Variants in FNDC3B observed in about 807,000 individuals in gnomAD.
The protein encoded by FNDC3B is fibronectin type III domain-containing protein 3B.
A neutral mutation model predicts 151.5 loss-of-function variants in FNDC3B; 12 were observed. That is an observed-to-expected ratio of 0.08 (90% CI 0.05 to 0.13). FNDC3B has a LOEUF of 0.13. Among genes scored for constraint, FNDC3B ranks in the 10% least tolerant of loss-of-function variants. The pLI is 1.00. For synonymous variants in FNDC3B, 528 were observed against 549.0 expected (o/e 0.96, Z 0.54); for missense variants, 1,214 against 1,505.3 (o/e 0.81, Z 3.20).
rs1278127344 is a variant in FNDC3B at position 172,399,502 on chromosome 3, T to C, written c.*2027T>C. 6.6e-6 allele frequency: 1 copy of C among 152,662 alleles called. No homozygotes were observed. Among genetic ancestry groups the C allele is most frequent in the African/African-American group, 2.4e-5 (1 of 41,470 alleles). The allele number at this position is 152,662 out of a possible 1,614,324, so 9.5% of individuals were successfully genotyped here. ...CAATGAATTATTCTGTGTGCCTATA[T>C]TGACGTAGTGAGTACTAGAGAGTTC... On this transcript the variant is annotated 3_prime_UTR_variant, in exon 26 of 26. Coordinates refer to ENST00000415807, the MANE Select transcript of FNDC3B (RefSeq NM_022763.4).
At chr3:172,094,397 C>T (rs1050824606) in intron 1 of FNDC3B, among the ~76,000 whole-genome samples, 1 of 152,162 alleles carries the variant, frequency 6.6e-6, no homozygotes, top group African/African-American at 2.4e-5. Flanking sequence ...TAAAGGGAAT[C>T]GTACATTATG....
At chr3:172,340,519 C>T (rs1250725822) in intron 16 of FNDC3B, among the ~76,000 whole-genome samples, 2 of 152,170 alleles carry the variant, frequency 1.3e-5, no homozygotes, top group Non-Finnish European at 2.9e-5. Context: ...CTCCTGACCT[C>T]AGGTGATCCA....
At chr3:172,173,664 A>T (rs898466564) in intron 3 of FNDC3B, among the ~76,000 whole-genome samples, 4 of 151,638 alleles carry the variant, frequency 2.6e-5, no homozygotes, top group Non-Finnish European at 4.4e-5. Flanking sequence ...AATTAAAAAT[A>T]AAAAAAATTA....
intron 21 of FNDC3B, among the ~76,000 whole-genome samples, chr3:172,351,417 G>C (rs1733845068): frequency 6.6e-6 from 1 of 152,214 alleles, no homozygotes; most frequent in African/African-American, 2.4e-5. Context: ...AGCAGAGTCA[G>C]TAAAGGGGAG....
At chr3:172,310,408 A>G (rs1731410171) in intron 10 of FNDC3B, among the ~76,000 whole-genome samples, 1 of 152,200 alleles carries the variant, frequency 6.6e-6, no homozygotes, top group Non-Finnish European at 1.5e-5. Flanking sequence ...AAAAAGCTGT[A>G]TGTGGGATGT....
intron 4 of FNDC3B, among the ~76,000 whole-genome samples, chr3:172,234,184 G>T (rs1727025405): frequency 6.6e-6 from 1 of 152,164 alleles, no homozygotes; most frequent in Admixed American, 6.5e-5. Flanking sequence ...GGAAACGAGG[G>T]CCCAAGCGAG....
intron 6 of FNDC3B, among the ~76,000 whole-genome samples, chr3:172,266,822 A>G (rs1728945497): frequency 6.6e-6 from 1 of 152,194 alleles, no homozygotes; most frequent in South Asian, 2.1e-4. Flanking sequence ...ATAATCTGCC[A>G]TCTCAGAATC....
Position 172,182,800 on chromosome 3 carries a change from G to A in FNDC3B, c.188-44071G>A, listed in dbSNP as rs565362910. ...GATTTGTTTAATTTGGTACCAGGAT[G>A]TAATGAACTTGAGGTGTGTGAATGA... On this transcript the variant is annotated intron_variant, in intron 3 of 25. Coordinates refer to ENST00000415807, the MANE Select transcript of FNDC3B (RefSeq NM_022763.4). Among the ~76,000 whole-genome samples the A allele has an allele frequency of 3.9e-5, 6 of 152,236 alleles. No homozygotes were observed. The South Asian group carries it at 1.2e-3, about 31-fold the overall frequency.
chr3:172,274,885 A>C (rs1729361395), intron 6 of FNDC3B, among the ~76,000 whole-genome samples: 1 of 152,194 alleles, frequency 6.6e-6, no homozygotes, highest in Non-Finnish European at 1.5e-5. Flanking sequence ...CACCCTGATG[A>C]GCTCTTTTTA....
chr3:172,348,267 A>G (rs945913823), intron 21 of FNDC3B, among the ~76,000 whole-genome samples: 1 of 152,222 alleles, frequency 6.6e-6, no homozygotes, highest in Non-Finnish European at 1.5e-5. Flanking sequence ...AAGTACACCC[A>G]ATGTCTCTGG....
At chr3:172,332,118 G>A (rs1002572565) in intron 13 of FNDC3B, among the ~76,000 whole-genome samples, 2 of 152,036 alleles carry the variant, frequency 1.3e-5, no homozygotes, top group African/African-American at 2.4e-5. Context: ...TTATAGGCAC[G>A]CAGCTCCACG....
intron 3 of FNDC3B, among the ~76,000 whole-genome samples, chr3:172,192,268 G>A (rs1410198608): frequency 1.3e-5 from 2 of 151,150 alleles, no homozygotes; most frequent in Non-Finnish European, 2.9e-5. Flanking sequence ...CGCCTCCCTG[G>A]TACAAGCGAT....
chr3:172,239,053 A>ATTT (rs202062580), intron 4 of FNDC3B, among the ~76,000 whole-genome samples: 3 of 94,714 alleles, frequency 3.2e-5, no homozygotes, highest in Non-Finnish European at 6.1e-5. Flanking sequence ...TAATTAATTT[A>ATTT]TTTTTTTTTT....
intron 3 of FNDC3B, among the ~76,000 whole-genome samples, chr3:172,181,606 A>G (rs1723908169): frequency 6.6e-6 from 1 of 151,824 alleles, no homozygotes; most frequent in Non-Finnish European, 1.5e-5. Context: ...CTAGGTGGGC[A>G]TATCACGAGG....
chr3:172,302,557 G>C (rs906486625), intron 9 of FNDC3B: 2 of 152,078 alleles, frequency 1.3e-5, no homozygotes, highest in African/African-American at 4.8e-5. Flanking sequence ...ATTCTTACAC[G>C]TCTGTTCAGT....
intron 15 of FNDC3B, 113 bp from the exon 16 acceptor site, chr3:172,337,217 C>A: frequency 1.6e-6 from 1 of 637,746 alleles, no homozygotes; most frequent in South Asian, 2.8e-5. Flanking sequence ...GCCTTTTGGT[C>A]ATGTCTAGAA....
intron 6 of FNDC3B, among the ~76,000 whole-genome samples, chr3:172,263,277 T>C (rs1728746669): frequency 1.3e-5 from 2 of 152,030 alleles, no homozygotes; most frequent in African/African-American, 2.4e-5. Context: ...TGAACTTCCA[T>C]TGACCTTTTT....
At chr3:172,284,232 G>T (rs1423605648) in intron 6 of FNDC3B, among the ~76,000 whole-genome samples, 1 of 152,130 alleles carries the variant, frequency 6.6e-6, no homozygotes, top group Non-Finnish European at 1.5e-5. Flanking sequence ...GCCTGCTTTT[G>T]TATGGCCCAC....
chr3:172,050,389 C>CTTT (rs71635717), intron 1 of FNDC3B, among the ~76,000 whole-genome samples: 4 of 145,938 alleles, frequency 2.7e-5, no homozygotes, highest in African/African-American at 1.0e-4. Context: ...GGTATATTTT[C>CTTT]TTTTTTTTTT....
Sources: gnomAD v4.1 joint callset for allele counts (sites outside exome capture counted in the v4.1 genomes callset) on GRCh38, gnomAD v4.1.1 for gene constraint, MANE v1.5 for transcripts, NCBI Gene and HGNC (gene_info 2026-07-23, HGNC 2026-07-21) for gene names.